The following TCP1 variants were observed in gnomAD, a reference collection of about 807,000 sequenced individuals.
The protein encoded by TCP1 is t-complex 1.
A neutral mutation model predicts 54.7 loss-of-function variants in TCP1; 6 were observed. The ratio of observed to expected loss-of-function variants is 0.11; its 90% confidence interval spans 0.06 to 0.22. The LOEUF (loss-of-function observed/expected upper bound fraction) is 0.22, where lower values mean the gene tolerates loss of function less well. Ranked by LOEUF, TCP1 falls within the 10% of genes least tolerant of loss-of-function variation. The pLI, the probability that TCP1 is intolerant of heterozygous loss-of-function variation, is 1.00. For synonymous variants in TCP1, 225 were observed against 229.7 expected (o/e 0.98, Z 0.19); for missense variants, 511 against 678.2 (o/e 0.75, Z 2.74).
chr6:159,786,818 G>A (rs1780708079), intron 3 of TCP1, among the ~76,000 whole-genome samples: 2 of 152,270 alleles, frequency 1.3e-5, no homozygotes, highest in African/African-American at 4.8e-5. Flanking sequence ...ATACCAGCAT[G>A]CTGGATGATC....
rs1780538233 is a variant in TCP1 at position 159,780,147 on chromosome 6, G to C, written c.1098-60C>G. ...ATTTTTAAAAATTTTTTTTTGCCAA[G>C]ACCATCAATTTCTCAAAAAAAATGG... is the stretch of plus-strand genomic sequence containing the variant. On this transcript the variant is annotated intron_variant, in intron 9 of 11. Coordinates refer to ENST00000321394, the MANE Select transcript of TCP1 (RefSeq NM_030752.3). 3.2e-6 allele frequency: 5 copies of C among 1,561,350 alleles called. No individual in the cohort carries two copies. The South Asian group carries it at 5.9e-5, about 18-fold the overall frequency.
chr6:159,779,783 C>A lies in TCP1; in HGVS notation c.1298G>T (p.Arg433Leu). 6.3e-7 allele frequency: 1 copy of A among 1,595,464 alleles called. No homozygotes were observed. The highest frequency in any genetic ancestry group is 8.5e-7 in the Non-Finnish European group (1 of 1,175,118). ...LENYATSMGS[R>L]EQLAIAEFAR... Reference sequence around the variant, plus strand: ...AAACTCTGCAATCGCAAGCTGTTCCCGAGACCCCTAGGAAAAGAAGAAAAT... The same window carrying A: ...AAACTCTGCAATCGCAAGCTGTTCCAGAGACCCCTAGGAAAAGAAGAAAAT... The change falls in exon 11 of 12, where the codon CGG (arginine) becomes CTG (leucine). Residue 433 changes from arginine to leucine, a missense_variant. Around this residue, in one of 5 missense-constraint regions of TCP1, gnomAD observed 88 missense variants for 153.1 expected, o/e 0.57. Transcript: ENST00000321394.
intron 11 of TCP1, 80 bp downstream of exon 11, chr6:159,779,547 G>T: frequency 6.7e-7 from 1 of 1,492,416 alleles, no homozygotes. Context: ...ACTTATGTTT[G>T]CTGACATGTA....
chr6:159,778,720 T>C lies in TCP1; in HGVS notation c.*325A>G, dbSNP rs1562481096. On this transcript the variant is annotated 3_prime_UTR_variant, in exon 12 of 12. Coordinates refer to ENST00000321394, the MANE Select transcript of TCP1 (RefSeq NM_030752.3). ...CCTCTTGGAGCATCTGGCTGTCGAA[T>C]TCTTGTGACCCTGTTACACACACTG... 1.2e-6 allele frequency: 2 copies of C among 1,614,240 alleles called. No individual in the cohort carries two copies. Among genetic ancestry groups the C allele is most frequent in the East Asian group, 4.5e-5 (2 of 44,878 alleles).
At chr6:159,789,365 C>T (rs1167813319) in intron 1 of TCP1, 40 bp downstream of exon 1, 8 of 1,611,126 alleles carry the variant, frequency 5.0e-6, no homozygotes, top group Non-Finnish European at 6.8e-6. Flanking sequence ...ACTCGGCCCT[C>T]CCCGGCCGCA....
chr6:159,783,287 A>G (rs1371243389), intron 7 of TCP1, among the ~76,000 whole-genome samples: 2 of 152,184 alleles, frequency 1.3e-5, no homozygotes, highest in African/African-American at 4.8e-5. Context: ...AAGGAAGGAA[A>G]AAAGAACACC....
Position 159,789,475 on chromosome 6 carries a change from G to C in TCP1, c.-7C>G. Reference sequence around the variant, plus strand: ...CGGACAAAGGCCCCTCCATCTTGACGGCAGCGATACACGTCGAATTCTGCT... The same window carrying C: ...CGGACAAAGGCCCCTCCATCTTGACCGCAGCGATACACGTCGAATTCTGCT... On this transcript the variant is annotated 5_prime_UTR_variant, in exon 1 of 12. Transcript: ENST00000321394. 1 of 1,613,796 alleles carries C rather than the reference G, an allele frequency of 6.2e-7. No homozygotes were observed. The highest frequency in any genetic ancestry group is 8.5e-7 in the Non-Finnish European group (1 of 1,179,840).
chr6:159,787,078 T>TAAAGAAAAA (rs1554269420), intron 3 of TCP1, among the ~76,000 whole-genome samples: 26,174 of 133,428 alleles, frequency 0.2, 2,732 homozygotes, highest in East Asian at 0.4. Flanking sequence ...CCCTGTCTCT[T>TAAAGAAAAA]AAAAAAAAAA....
Position 159,778,955 on chromosome 6 carries a change from A to T in TCP1, c.*90T>A. ...TCCTACATCACAAAAACCCAAGTTT[A>T]CAGCTTGTACTTTACTTTAATGTGT... On this transcript the variant is annotated 3_prime_UTR_variant, in exon 12 of 12. Coordinates refer to ENST00000321394, the MANE Select transcript of TCP1 (RefSeq NM_030752.3). 1 of 1,557,028 alleles carries T rather than the reference A, an allele frequency of 6.4e-7. No homozygotes were observed.
At chr6:159,783,919 C>T in intron 7 of TCP1, 22 bp downstream of exon 7, 1 of 1,566,684 alleles carries the variant, frequency 6.4e-7, no homozygotes, top group Middle Eastern at 2.3e-4. Flanking sequence ...CTTAAAAGGC[C>T]AAAAATAATC....
intron 7 of TCP1, among the ~76,000 whole-genome samples, chr6:159,783,181 AAAG>A (rs935395134): frequency 1.3e-5 from 2 of 152,194 alleles, no homozygotes; most frequent in Non-Finnish European, 2.9e-5. Context: ...AACAAGAATC[AAAG>A]AAAAGGCTCT....
chr6:159,783,100 A>G (rs1780613897), intron 7 of TCP1, among the ~76,000 whole-genome samples: 1 of 152,234 alleles, frequency 6.6e-6, no homozygotes, highest in Admixed American at 6.5e-5. Flanking sequence ...ATGTATGAAG[A>G]AGCTTGAAGG....
Position 159,786,046 on chromosome 6 carries a change from T to C in TCP1, c.280-49A>G, listed in dbSNP as rs554625331. On this transcript the variant is annotated intron_variant, in intron 3 of 11. Transcript: ENST00000321394. ...CTGAGTGTGCCGGATATTCAACATG[T>C]GCAATACATATGGAATGACACTAAA... The C allele has an allele frequency of 7.6e-6, 11 of 1,438,128 alleles. No homozygotes were observed. The South Asian group carries it at 1.2e-4, about 15-fold the overall frequency. 89.1% of individuals were successfully genotyped at this position (1,438,128 alleles called of 1,614,324 possible). A position where few individuals can be genotyped will look rare whatever the true frequency, so the allele number is the denominator to read the frequency against.
Position 159,787,078 on chromosome 6 carries a change from T to TAAAAAAAAAA in TCP1, c.279+655_279+664dup, listed in dbSNP as rs76955548. On this transcript the variant is annotated intron_variant, in intron 3 of 11. Transcript: ENST00000321394. Reference sequence around the variant, plus strand: ...GGCAACATAGCGAGACCCTGTCTCTTAAAAAAAAAAAAAAGAGGTTTTTAA... The same window carrying TAAAAAAAAAA: ...GGCAACATAGCGAGACCCTGTCTCTTAAAAAAAAAAAAAAAAAAAAAAAAGAGGTTTTTAA... Among the ~76,000 whole-genome samples, 338 of 133,580 alleles carry TAAAAAAAAAA rather than the reference T, an allele frequency of 2.5e-3. 5 individuals carry two copies. The highest frequency in any genetic ancestry group is 8.3e-3 in the African/African-American group (292 of 35,038). The allele number at this position is 133,580 out of a possible 152,430, so 87.6% of individuals were successfully genotyped here.
intron 2 of TCP1, 37 bp from the exon 3 acceptor site, chr6:159,787,908 A>G: frequency 6.2e-7 from 1 of 1,612,252 alleles, no homozygotes; most frequent in South Asian, 1.1e-5. Context: ...AACCACTTAT[A>G]GAAATCAACA....
chr6:159,785,263 G>C, intron 5 of TCP1, 123 bp downstream of exon 5: 2 of 755,226 alleles, frequency 2.6e-6, no homozygotes, highest in South Asian at 1.6e-5. Flanking sequence ...GCACTCCTGG[G>C]TTCAATTAAT....
chr6:159,788,203 A>G (rs1176509905), intron 1 of TCP1, 60 bp from the exon 2 acceptor site: 13 of 1,494,918 alleles, frequency 8.7e-6, no homozygotes, highest in Non-Finnish European at 1.1e-5. Flanking sequence ...TCTGAAAGAC[A>G]GTAATTTCAG....
intron 4 of TCP1, 76 bp from the exon 5 acceptor site, chr6:159,785,572 A>T: frequency 8.6e-7 from 1 of 1,167,188 alleles, no homozygotes; most frequent in Non-Finnish European, 1.3e-6. Context: ...TGCTTAACAC[A>T]GAGCCAAAAT....
chr6:159,788,017 T>TTTACTTTAAGGAAAC, intron 2 of TCP1, 41 bp downstream of exon 2: 2 of 1,610,922 alleles, frequency 1.2e-6, no homozygotes, highest in Non-Finnish European at 1.7e-6. Context: ...TGAAGATAGT[T>TTTACTTTAAGGAAAC]TTACTTTAAG....
Sources: allele counts gnomAD v4.1 joint callset (sites outside exome capture counted in the v4.1 genomes callset), GRCh38; gene constraint gnomAD v4.1.1; regional missense constraint gnomAD v4.1.1; transcripts MANE v1.5; gene names NCBI Gene and HGNC (gene_info 2026-07-23, HGNC 2026-07-21).